Variants in FAM107B observed in about 807,000 individuals in gnomAD.
The protein encoded by FAM107B is family with sequence similarity 107 member B, also known as protein FAM107B.
Under a neutral mutation model 31.5 loss-of-function variants are expected in FAM107B, and 21 were observed. The ratio of observed to expected loss-of-function variants is 0.67; its 90% CI spans 0.47 to 0.96. The LOEUF (loss-of-function observed/expected upper bound fraction) is 0.96. Among genes scored for constraint, FAM107B ranks in the 40% least tolerant of loss-of-function variants. FAM107B has a pLI of 0.00. For missense variants in FAM107B, 452 were observed against 377.1 expected, an observed-to-expected ratio of 1.20 and a Z score of -1.64; for synonymous variants, 157 against 141.5, an observed-to-expected ratio of 1.11 and a Z score of -0.78.
At chr10:14,751,826 A>G (rs555933820) in intron 1 of FAM107B, among the ~76,000 whole-genome samples, 42 of 151,898 alleles carry the variant, frequency 2.8e-4, no homozygotes, top group African/African-American at 9.9e-4. Context: ...GAAGGTTGTA[A>G]CGCACCGAGA....
At chr10:14,585,279 C>T (rs995901745) in intron 2 of FAM107B, among the ~76,000 whole-genome samples, 1 of 152,200 alleles carries the variant, frequency 6.6e-6, no homozygotes, top group African/African-American at 2.4e-5. Flanking sequence ...GGACACCCTC[C>T]ACTAGTAACA....
chr10:14,722,394 A>T, intron 1 of FAM107B, among the ~76,000 whole-genome samples: 1 of 152,226 alleles, frequency 6.6e-6, no homozygotes, highest in South Asian at 2.1e-4. Context: ...ATTGCCAAAC[A>T]ATATTCCATT....
At chr10:14,627,832 C>T (rs184585513) in intron 2 of FAM107B, among the ~76,000 whole-genome samples, 175 of 151,874 alleles carry the variant, frequency 1.2e-3, no homozygotes, top group Non-Finnish European at 1.9e-3. Flanking sequence ...TTGAATCCAA[C>T]GAGAGAGTGG....
intron 2 of FAM107B, among the ~76,000 whole-genome samples, chr10:14,664,477 G>A (rs2131469001): frequency 6.6e-6 from 1 of 152,246 alleles, no homozygotes; most frequent in Non-Finnish European, 1.5e-5. Context: ...ATTTTTTACT[G>A]TACCTCTTTT....
chr10:14,649,740 A>G (rs1360262999), intron 2 of FAM107B, among the ~76,000 whole-genome samples: 1 of 152,210 alleles, frequency 6.6e-6, no homozygotes, highest in Non-Finnish European at 1.5e-5. Context: ...ACCAAGCTGT[A>G]GTCTGACCAC....
intron 1 of FAM107B, among the ~76,000 whole-genome samples, chr10:14,772,360 A>ATATATAT (rs1554759123): frequency 1.5e-4 from 21 of 137,902 alleles, no homozygotes; most frequent in African/African-American, 7.2e-4. Flanking sequence ...TCTTAAAAAA[A>ATATATAT]AAATATATAT....
intron 1 of FAM107B, among the ~76,000 whole-genome samples, chr10:14,754,765 G>A (rs771149325): frequency 1.1e-4 from 16 of 152,234 alleles, no homozygotes; most frequent in Non-Finnish European, 1.9e-4. Flanking sequence ...ATTTGTGCCT[G>A]TAAGATGCAG....
At chr10:14,672,836 T>C (rs796764111) in intron 1 of FAM107B, among the ~76,000 whole-genome samples, 25 of 152,330 alleles carry the variant, frequency 1.6e-4, no homozygotes, top group African/African-American at 6.0e-4. Flanking sequence ...ACGAACCAAA[T>C]ACATTCACCA....
chr10:14,676,856 G>T (rs532461809), intron 1 of FAM107B, among the ~76,000 whole-genome samples: 1 of 152,312 alleles, frequency 6.6e-6, no homozygotes, highest in South Asian at 2.1e-4. Flanking sequence ...TCTCAAAGCT[G>T]CAAGAAACGC....
At chr10:14,581,580 C>T (rs1400194134) in intron 2 of FAM107B, among the ~76,000 whole-genome samples, 2 of 152,236 alleles carry the variant, frequency 1.3e-5, no homozygotes, top group African/African-American at 4.8e-5. Context: ...CCATCACCGG[C>T]AGGTGTCCAC....
intron 1 of FAM107B, among the ~76,000 whole-genome samples, chr10:14,712,733 A>G (rs1481062961): frequency 6.6e-6 from 1 of 152,208 alleles, no homozygotes; most frequent in Non-Finnish European, 1.5e-5. Flanking sequence ...TTAAAAAACA[A>G]CATAACATGG....
intron 2 of FAM107B, among the ~76,000 whole-genome samples, chr10:14,625,276 G>T (rs1395482385): frequency 6.6e-6 from 1 of 150,558 alleles, no homozygotes; most frequent in African/African-American, 2.4e-5. Context: ...GTGTGTGTGT[G>T]TGTATGTGTG....
intron 2 of FAM107B, among the ~76,000 whole-genome samples, chr10:14,636,485 A>G (rs1853503741): frequency 6.6e-6 from 1 of 152,204 alleles, no homozygotes; most frequent in Admixed American, 6.5e-5. Context: ...AATAAGAACC[A>G]AGGAATCAGA....
In FAM107B at chr10:14,642,108, C is replaced by T. The variant is rs541931324; in HGVS notation, c.469+25526G>A. Among the ~76,000 whole-genome samples the T allele has an allele frequency of 3.3e-5, 5 of 152,306 alleles. No individual in the cohort carries two copies. In the South Asian group the frequency reaches 8.3e-4, roughly 25 times the overall value. On this transcript the variant is annotated intron_variant, in intron 2 of 4. Coordinates refer to ENST00000181796, the MANE Select transcript of FAM107B (RefSeq NM_031453.4). Reference sequence around the variant, plus strand: ...TGTTCCCATTCCGAAAGGGAGAACTCAGAAGAAAGAAAGGAGTGACAGACC... The same window carrying T: ...TGTTCCCATTCCGAAAGGGAGAACTTAGAAGAAAGAAAGGAGTGACAGACC...
At chr10:14,567,752 T>C (rs1229332065) in intron 2 of FAM107B, among the ~76,000 whole-genome samples, 2 of 152,194 alleles carry the variant, frequency 1.3e-5, no homozygotes, top group African/African-American at 4.8e-5. Context: ...ATGTTCTTAT[T>C]GTAATCTGTC....
intron 2 of FAM107B, chr10:14,553,401 AC>A (rs1333763387): frequency 5.6e-6 from 7 of 1,255,866 alleles, no homozygotes; most frequent in African/African-American, 1.5e-5. Flanking sequence ...TAAAAAAAAA[AC>A]ATAGTGAAAG....
intron 2 of FAM107B, among the ~76,000 whole-genome samples, chr10:14,609,781 T>A (rs891023705): frequency 6.6e-6 from 1 of 152,162 alleles, no homozygotes; most frequent in African/African-American, 2.4e-5. Flanking sequence ...GTGGAGGCTA[T>A]CTTAGAATTC....
chr10:14,713,488 G>A (rs545285555), intron 1 of FAM107B, among the ~76,000 whole-genome samples: 2 of 152,318 alleles, frequency 1.3e-5, no homozygotes, highest in South Asian at 4.1e-4. Flanking sequence ...ATTTCTGGAA[G>A]AGGGGGAAAC....
chr10:14,760,563 A>T (rs997069136), intron 1 of FAM107B, among the ~76,000 whole-genome samples: 1 of 149,630 alleles, frequency 6.7e-6, no homozygotes, highest in Non-Finnish European at 1.5e-5. Flanking sequence ...ATGAGACACC[A>T]AACTATATTA....
Sources: gnomAD v4.1 joint callset for allele counts (sites outside exome capture counted in the v4.1 genomes callset) on GRCh38, gnomAD v4.1.1 for gene constraint, MANE v1.5 for transcripts, NCBI Gene and HGNC (gene_info 2026-07-23, HGNC 2026-07-21) for gene names.